CDC14B: variants seen among roughly 807,000 people sequenced by gnomAD.
CDC14B encodes the protein dual specificity protein phosphatase CDC14B.
Under a neutral mutation model 64.2 loss-of-function variants are expected in CDC14B, and 22 were observed. The observed-to-expected ratio is 0.34, with a 90% confidence interval of 0.24 to 0.49. The LOEUF (loss-of-function observed/expected upper bound fraction) is 0.49. Among genes scored for constraint, CDC14B ranks in the 20% least tolerant of loss-of-function variants. CDC14B has a pLI of 0.99. For synonymous variants in CDC14B, 191 were observed against 215.8 expected (o/e 0.89, Z 1.01); for missense variants, 498 against 629.9 (o/e 0.79, Z 2.24).
chr9:96,513,117 T>C (rs1481009209), intron 12 of CDC14B, among the ~76,000 whole-genome samples: 1 of 152,212 alleles, frequency 6.6e-6, no homozygotes, highest in African/African-American at 2.4e-5. Flanking sequence ...TATTTCTCTA[T>C]AAAATTAGTG....
rs1245801199 is a variant in CDC14B at position 96,503,658 on chromosome 9, G to C, written c.*95C>G. The C allele has an allele frequency of 7.1e-6, 8 of 1,122,066 alleles. No homozygotes were observed. The highest frequency in any genetic ancestry group is 1.3e-5 in the South Asian group (1 of 75,746). 69.5% of individuals were successfully genotyped at this position (1,122,066 alleles called of 1,614,324 possible). On this transcript the variant is annotated 3_prime_UTR_variant, in exon 14 of 14. Transcript: ENST00000375241. ...TTCTTAGGTGGAAAAAGCAACTAAG[G>C]CTTTTGCAATTTTGTTTTGTTTTCA...
Position 96,547,485 on chromosome 9 carries a change from C to T in CDC14B, c.497+4311G>A, listed in dbSNP as rs1417862393. 5.9e-5 allele frequency among the ~76,000 whole-genome samples: 9 copies of T among 151,362 alleles called. No homozygotes were observed. The East Asian group carries it at 1.6e-3, about 26-fold the overall frequency. On this transcript the variant is annotated intron_variant, in intron 5 of 13. Coordinates refer to ENST00000375241, the MANE Select transcript of CDC14B (RefSeq NM_033331.4). The stretch of plus-strand genomic sequence containing the variant: ...TGTCTTAAAAAAAAAAAAAAAGATA[C>T]GGTCTTGTTCTGTTGTGCAGGCTGA...
At chr9:96,563,715 C>A (rs1235344270) in intron 3 of CDC14B, among the ~76,000 whole-genome samples, 1 of 149,864 alleles carries the variant, frequency 6.7e-6, no homozygotes, top group Non-Finnish European at 1.5e-5. Context: ...TTGGTTGACC[C>A]AAAGACTAAA....
chr9:96,548,198 C>T (rs1395385822), intron 5 of CDC14B, among the ~76,000 whole-genome samples: 17 of 151,968 alleles, frequency 1.1e-4, no homozygotes, highest in Admixed American at 1.1e-3. Context: ...AGTAGCAGAG[C>T]TGACAGCAAG....
In CDC14B at chr9:96,492,806, T is replaced by TAAC. The variant is rs1383649805; in HGVS notation, c.*524_*526dup. On this transcript the variant is annotated 3_prime_UTR_variant and NMD_transcript_variant, in exon 14 of 14. Coordinates refer to the CDC14B transcript ENST00000474602. ...TGCCCAAGAGGGAGGGGTCAGTACC[T>TAAC]AACTTGGGATGAAAGCCTAAGCTGC... The TAAC allele has an allele frequency of 3.3e-5, 5 of 152,240 alleles. No homozygotes were observed. In the East Asian group the frequency reaches 7.7e-4, roughly 24 times the overall value. The allele number at this position is 152,240 out of a possible 1,614,324, so 9.4% of individuals were successfully genotyped here.
intron 6 of CDC14B, 78 bp from the exon 7 acceptor site, chr9:96,539,218 A>T: frequency 1.0e-6 from 1 of 998,922 alleles, no homozygotes. Flanking sequence ...AGAATACTAA[A>T]TATCAGGGGC....
At chr9:96,569,655 C>T (rs1385071674) in intron 1 of CDC14B, among the ~76,000 whole-genome samples, 1 of 151,920 alleles carries the variant, frequency 6.6e-6, no homozygotes. Flanking sequence ...GATGGAGTCT[C>T]GCTCTGTTGC....
chr9:96,586,538 G>A (rs534816740), intron 1 of CDC14B, among the ~76,000 whole-genome samples: 8 of 152,124 alleles, frequency 5.3e-5, no homozygotes, highest in Non-Finnish European at 1.5e-5. Flanking sequence ...GGGCTCAGGC[G>A]ATCCTCCCAC....
chr9:96,539,043 A>G, intron 7 of CDC14B, 35 bp downstream of exon 7: 2 of 1,347,972 alleles, frequency 1.5e-6, no homozygotes, highest in Non-Finnish European at 2.1e-6. Flanking sequence ...GGGCGGGGGG[A>G]GGAAGAGTTG....
At chr9:96,509,097 G>T (rs1034497256) in intron 13 of CDC14B, among the ~76,000 whole-genome samples, 2 of 152,136 alleles carry the variant, frequency 1.3e-5, no homozygotes, top group African/African-American at 2.4e-5. Flanking sequence ...CTTTAAAAAT[G>T]ACATGTCCAC....
rs369597010 is a variant in CDC14B at position 96,516,170 on chromosome 9, AAAAC to A, written c.1343+6332_1343+6335del. ...CAAAGGAGGCAAAACCAGATAACCA[AAAAC>A]AAACAAACAAAAAAACACAAAACCC... On this transcript the variant is annotated intron_variant, in intron 12 of 13. Transcript: ENST00000375241. Among the ~76,000 whole-genome samples, 352 of 152,342 alleles carry A rather than the reference AAAAC, an allele frequency of 2.3e-3. 2 individuals carry two copies. Among genetic ancestry groups the A allele is most frequent in the Middle Eastern group, 0.017 (5 of 294 alleles).
rs1833650659 is a variant in CDC14B, at chr9:96,502,614, C to G, written c.*1139G>C. ...GCCCCATTTTTTTTTTTTTTTTTAG[C>G]AGCACATCAATTCTGTTTCTGTAAC... is the stretch of plus-strand genomic sequence containing the variant. On this transcript the variant is annotated 3_prime_UTR_variant, in exon 14 of 14. Transcript: ENST00000375241. 1 of 316,616 alleles carries G rather than the reference C, an allele frequency of 3.2e-6. No individual in the cohort carries two copies. Among genetic ancestry groups the G allele is most frequent in the African/African-American group, 2.3e-5 (1 of 42,864 alleles). The allele number at this position is 316,616 out of a possible 1,614,324, so 19.6% of individuals were successfully genotyped here.
intron 1 of CDC14B, among the ~76,000 whole-genome samples, chr9:96,603,157 C>G (rs1272590830): frequency 3.3e-5 from 4 of 120,174 alleles, no homozygotes; most frequent in African/African-American, 8.8e-5. Context: ...TAGAAACGGA[C>G]ACACACACAC....
chr9:96,524,207 T>C (rs1049599333), intron 9 of CDC14B, among the ~76,000 whole-genome samples: 4 of 152,244 alleles, frequency 2.6e-5, no homozygotes, highest in Non-Finnish European at 4.4e-5. Context: ...CCTAAAATGC[T>C]GGTATTATAC....
chr9:96,536,936 T>C (rs1221303684), intron 7 of CDC14B, among the ~76,000 whole-genome samples: 1 of 152,166 alleles, frequency 6.6e-6, no homozygotes, highest in East Asian at 1.9e-4. Flanking sequence ...TTAAAAAACA[T>C]AGAACACACC....
chr9:96,498,491 A>C (rs1291661700), downstream of CDC14B, among the ~76,000 whole-genome samples: 1 of 152,212 alleles, frequency 6.6e-6, no homozygotes, highest in African/African-American at 2.4e-5. Flanking sequence ...TTGCCTCTGA[A>C]CAACCACTCT....
rs1004615434 is a variant in CDC14B, at chr9:96,548,117, G to A, written c.497+3679C>T. ...TAGGATTACAGGCGTGAGCCACAGC[G>A]CCCAGCCTATTGTTTCTGTTTAAAG... On this transcript the variant is annotated intron_variant, in intron 5 of 13. Coordinates refer to ENST00000375241, the MANE Select transcript of CDC14B (RefSeq NM_033331.4). Among the ~76,000 whole-genome samples, 8 of 152,028 alleles carry A rather than the reference G, an allele frequency of 5.3e-5. No individual in the cohort carries two copies. The East Asian group carries it at 7.7e-4, about 15-fold the overall frequency.
intron 4 of CDC14B, among the ~76,000 whole-genome samples, chr9:96,553,951 G>T (rs190625652): frequency 1.6e-4 from 24 of 152,162 alleles, no homozygotes; most frequent in Admixed American, 6.5e-4. Flanking sequence ...AGATCACGAG[G>T]TCAGGAGATG....
intron 4 of CDC14B, among the ~76,000 whole-genome samples, chr9:96,552,731 C>A (rs1841990022): frequency 6.6e-6 from 1 of 152,076 alleles, no homozygotes; most frequent in Non-Finnish European, 1.5e-5. Flanking sequence ...CTCTGCCTAC[C>A]CCCTATTACA....
Sources: allele counts gnomAD v4.1 joint callset (sites outside exome capture counted in the v4.1 genomes callset), GRCh38; gene constraint gnomAD v4.1.1; transcripts MANE v1.5; gene names NCBI Gene and HGNC (gene_info 2026-07-23, HGNC 2026-07-21).